The following SGPP2 variants were observed in gnomAD, a reference collection of about 807,000 sequenced individuals.
SGPP2 encodes sphingosine 1-phosphate phosphohydrolase 2.
Under a neutral mutation model 33.9 loss-of-function variants are expected in SGPP2, and 30 were observed. The observed-to-expected ratio is 0.89, with a 90% confidence interval of 0.66 to 1.20. The LOEUF (loss-of-function observed/expected upper bound fraction) is 1.20, where lower values mean the gene tolerates loss of function less well. SGPP2 is among the 50% of genes most tolerant of loss of function. The pLI is 0.00. For missense variants in SGPP2, 458 were observed against 532.1 expected, an observed-to-expected ratio of 0.86 and a Z score of 1.37; for synonymous variants, 233 against 225.0, an observed-to-expected ratio of 1.04 and a Z score of -0.32.
chr2:222,533,302 GA>G (rs1698865908), intron 4 of SGPP2, among the ~76,000 whole-genome samples: 1 of 152,226 alleles, frequency 6.6e-6, no homozygotes, highest in Admixed American at 6.5e-5. Context: ...CCCAGCTCCC[GA>G]CAACTCCTCC....
intron 2 of SGPP2, among the ~76,000 whole-genome samples, chr2:222,516,301 C>T (rs1328713629): frequency 6.6e-6 from 1 of 152,152 alleles, no homozygotes; most frequent in African/African-American, 2.4e-5. Context: ...TCTGGCTTCT[C>T]TTCATTCAGC....
chr2:222,450,861 A>G (rs956593684), intron 1 of SGPP2, among the ~76,000 whole-genome samples: 1 of 152,198 alleles, frequency 6.6e-6, no homozygotes, highest in African/African-American at 2.4e-5. Context: ...TCGAACTCTG[A>G]TGAAAGCATT....
intron 1 of SGPP2, among the ~76,000 whole-genome samples, chr2:222,438,812 T>G (rs1028506766): frequency 1.3e-5 from 2 of 152,176 alleles, no homozygotes; most frequent in Non-Finnish European, 2.9e-5. Context: ...TCTCCGCAGT[T>G]CCTCCAGGGA....
intron 4 of SGPP2, among the ~76,000 whole-genome samples, chr2:222,529,651 A>G (rs1464116070): frequency 2.6e-5 from 4 of 152,150 alleles, no homozygotes; most frequent in Admixed American, 6.5e-5. Context: ...TATTTTAATC[A>G]TATCTGCCGT....
At chr2:222,529,327 T>C (rs559908193) in intron 4 of SGPP2, among the ~76,000 whole-genome samples, 2 of 152,278 alleles carry the variant, frequency 1.3e-5, no homozygotes, top group Non-Finnish European at 1.5e-5. Context: ...GTTCTCTTGC[T>C]ATTTTATTTA....
rs930474676 is a variant in SGPP2, at chr2:222,558,707, T to G, written c.1009T>G (p.Leu337Val). ...TGCAGTGGGAATTGTGTTGATCCTC[T>G]TGGTTCGTCAGCTTGTACAAAATCT... is the stretch of plus-strand genomic sequence containing the variant. ...KFAVGIVLIL[L>V]VRQLVQNLSL... The change falls in exon 5 of 5, where the codon TTG becomes GTG. Residue 337 changes from leucine to valine, a missense_variant. By Grantham distance (32) the Leu-to-Val change is conservative. Coordinates refer to ENST00000321276, the MANE Select transcript of SGPP2 (RefSeq NM_152386.4). The G allele has an allele frequency of 3.7e-6, 6 of 1,614,090 alleles. No homozygotes were observed. The African/African-American group carries it at 6.7e-5, about 18-fold the overall frequency.
At chr2:222,482,615 G>A (rs1056418604) in intron 2 of SGPP2, among the ~76,000 whole-genome samples, 1 of 152,170 alleles carries the variant, frequency 6.6e-6, no homozygotes, top group Non-Finnish European at 1.5e-5. Flanking sequence ...TTGACCTCAA[G>A]CAATCCTTCC....
chr2:222,527,017 G>T (rs1338349061), intron 4 of SGPP2, among the ~76,000 whole-genome samples: 2 of 152,098 alleles, frequency 1.3e-5, no homozygotes, highest in Non-Finnish European at 2.9e-5. Context: ...CGAGAACTCG[G>T]GTTAAAGTTA....
rs6752081 is a variant in SGPP2, at chr2:222,465,976, G to A, written c.220-8592G>A. ...GTAACCCATTTCCTGCTTTAATTTC[G>A]TCATAGCACTTATTGCTAAATGAAG... On this transcript the variant is annotated intron_variant, in intron 1 of 4. Transcript: ENST00000321276. This position sits in a 1 kb window ranked among gnomAD's most constrained non-coding sequence, Gnocchi z 4.1. Among the ~76,000 whole-genome samples the A allele has an allele frequency of 0.02, 3,107 of 152,070 alleles. 108 individuals are homozygous for A. Among genetic ancestry groups the A allele is most frequent in the African/African-American group, 0.071 (2,923 of 41,460 alleles).
intron 4 of SGPP2, among the ~76,000 whole-genome samples, chr2:222,544,039 T>TG (rs1198647566): frequency 6.6e-6 from 1 of 152,206 alleles, no homozygotes; most frequent in African/African-American, 2.4e-5. Flanking sequence ...GCCTATCATA[T>TG]ATTAGATGTA....
chr2:222,484,149 G>T (rs1698069654), intron 2 of SGPP2, among the ~76,000 whole-genome samples: 1 of 152,170 alleles, frequency 6.6e-6, no homozygotes, highest in African/African-American at 2.4e-5. Flanking sequence ...TGGACTTGTG[G>T]TGAACAAATA....
chr2:222,517,553 C>A (rs947835215), intron 2 of SGPP2, among the ~76,000 whole-genome samples: 1 of 152,224 alleles, frequency 6.6e-6, no homozygotes, highest in Non-Finnish European at 1.5e-5. Context: ...GCCCTGTGAC[C>A]TGATCCTTCC....
intron 1 of SGPP2, among the ~76,000 whole-genome samples, chr2:222,436,829 T>G (rs1237600009): frequency 2.0e-5 from 3 of 152,202 alleles, no homozygotes; most frequent in Non-Finnish European, 2.9e-5. Context: ...GGTAGCCGGC[T>G]GATCACCCAA....
chr2:222,530,012 A>G (rs1698816079), intron 4 of SGPP2, among the ~76,000 whole-genome samples: 1 of 152,206 alleles, frequency 6.6e-6, no homozygotes, highest in South Asian at 2.1e-4. Flanking sequence ...GTACATCTCC[A>G]TCTTAGGTGA....
intron 1 of SGPP2, among the ~76,000 whole-genome samples, chr2:222,466,394 G>T (rs965085606): frequency 1.3e-4 from 19 of 151,866 alleles, no homozygotes; most frequent in African/African-American, 4.4e-4. Context: ...AAGTAGCTGG[G>T]ACTACAAGCG....
chr2:222,487,489 A>G (rs1419037665), intron 2 of SGPP2, among the ~76,000 whole-genome samples: 2 of 152,294 alleles, frequency 1.3e-5, no homozygotes, highest in African/African-American at 4.8e-5. Context: ...TATGATGATA[A>G]AAATACTGGT....
intron 4 of SGPP2, 46 bp from the exon 5 acceptor site, chr2:222,558,301 G>C: frequency 6.3e-7 from 1 of 1,586,856 alleles, no homozygotes; most frequent in Non-Finnish European, 8.6e-7. Context: ...CTGTATACAA[G>C]GAAACACTCA....
chr2:222,476,110 A>C lies in SGPP2; in HGVS notation c.378+1384A>C, dbSNP rs934530986. The stretch of plus-strand genomic sequence containing the variant: ...CAGACAAGACTGTTGCCCTGACTCA[A>C]GATTCTGCACTAGAAATAGAGGTTC... On this transcript the variant is annotated intron_variant, in intron 2 of 4. Coordinates refer to ENST00000321276, the MANE Select transcript of SGPP2 (RefSeq NM_152386.4). This position sits in a 1 kb window ranked among gnomAD's most constrained non-coding sequence, Gnocchi z 4.3. Among the ~76,000 whole-genome samples, 5 of 152,214 alleles carry C rather than the reference A, an allele frequency of 3.3e-5. No individual in the cohort carries two copies. Among genetic ancestry groups the C allele is most frequent in the African/African-American group, 1.2e-4 (5 of 41,460 alleles).
chr2:222,512,262 C>T (rs905946911), intron 2 of SGPP2, among the ~76,000 whole-genome samples: 7 of 151,654 alleles, frequency 4.6e-5, no homozygotes, highest in Non-Finnish European at 8.8e-5. Flanking sequence ...CCGCCTGCCT[C>T]GGCCTCCCAA....
Sources: gnomAD v4.1 joint callset for allele counts (sites outside exome capture counted in the v4.1 genomes callset) on GRCh38, gnomAD v4.1.1 for gene constraint, Gnocchi (gnomAD v3.1) non-coding constraint, MANE v1.5 for transcripts, NCBI Gene and HGNC (gene_info 2026-07-23, HGNC 2026-07-21) for gene names.